Variants in PDLIM5 observed in about 807,000 individuals in gnomAD.
PDLIM5 encodes the protein PDZ and LIM domain 5.
PDLIM5 carries 34 observed loss-of-function variants against 64.2 expected under a neutral mutation model. The ratio of observed to expected loss-of-function variants is 0.53; its 90% CI spans 0.40 to 0.71. The LOEUF (loss-of-function observed/expected upper bound fraction) is 0.71. PDLIM5 is among the 30% of genes least tolerant of loss of function. PDLIM5 has a pLI of 0.00. For synonymous variants in PDLIM5, 253 were observed against 269.1 expected (o/e 0.94, Z 0.59); for missense variants, 683 against 733.6 (o/e 0.93, Z 0.80).
chr4:94,574,210 A>G (rs1255628772), intron 4 of PDLIM5, among the ~76,000 whole-genome samples: 1 of 152,172 alleles, frequency 6.6e-6, no homozygotes, highest in East Asian at 1.9e-4. Flanking sequence ...CTATAAGATG[A>G]ATTGAGGCTG....
chr4:94,532,595 C>T (rs368087968), intron 3 of PDLIM5, among the ~76,000 whole-genome samples: 21 of 152,274 alleles, frequency 1.4e-4, no homozygotes, highest in Admixed American at 5.2e-4. Context: ...GGGTGGCAGA[C>T]GCAGTTTGTC....
chr4:94,473,538 G>T (rs1404515067), intron 2 of PDLIM5, among the ~76,000 whole-genome samples: 1 of 152,198 alleles, frequency 6.6e-6, no homozygotes, highest in Non-Finnish European at 1.5e-5. Context: ...GGGATTACAG[G>T]CATGAGCCAC....
chr4:94,520,699 G>GTA (rs1202753465), intron 2 of PDLIM5, among the ~76,000 whole-genome samples: 1 of 152,144 alleles, frequency 6.6e-6, no homozygotes, highest in African/African-American at 2.4e-5. Context: ...TTCCCACTAT[G>GTA]TATAGCATTG....
At chr4:94,543,135 A>G (rs2110189308) in intron 3 of PDLIM5, among the ~76,000 whole-genome samples, 1 of 152,280 alleles carries the variant, frequency 6.6e-6, no homozygotes, top group South Asian at 2.1e-4. Flanking sequence ...ACTACTGTAT[A>G]AATTACCACA....
At chr4:94,498,185 G>GT (rs1727578199) in intron 2 of PDLIM5, among the ~76,000 whole-genome samples, 1 of 152,202 alleles carries the variant, frequency 6.6e-6, no homozygotes, top group African/African-American at 2.4e-5. Context: ...GGACACTACT[G>GT]TAACATTTAT....
At chr4:94,525,314 G>C (rs1290029292) in intron 3 of PDLIM5, among the ~76,000 whole-genome samples, 2 of 151,934 alleles carry the variant, frequency 1.3e-5, no homozygotes, top group Non-Finnish European at 2.9e-5. Flanking sequence ...AGCTACTTGG[G>C]GGCTGAGGCA....
intron 2 of PDLIM5, among the ~76,000 whole-genome samples, chr4:94,493,754 T>C (rs1727080091): frequency 6.6e-6 from 1 of 152,300 alleles, no homozygotes; most frequent in African/African-American, 2.4e-5. Context: ...TAAAATGCCC[T>C]CAAGAAAGAT....
intron 10 of PDLIM5, 106 bp downstream of exon 10, chr4:94,654,746 G>T: frequency 2.8e-6 from 2 of 712,686 alleles, no homozygotes; most frequent in Admixed American, 2.5e-5. Flanking sequence ...CTTGCTTTAT[G>T]CCCTCTCTGC....
chr4:94,596,425 C>A (rs1318425167), intron 7 of PDLIM5, among the ~76,000 whole-genome samples: 1 of 151,934 alleles, frequency 6.6e-6, no homozygotes, highest in Non-Finnish European at 1.5e-5. Context: ...TTCCATTTCA[C>A]CTTTAGAGAA....
At chr4:94,518,048 T>C (rs1729515467) in intron 2 of PDLIM5, among the ~76,000 whole-genome samples, 2 of 152,276 alleles carry the variant, frequency 1.3e-5, no homozygotes, top group South Asian at 2.1e-4. Flanking sequence ...TCCTGCAATT[T>C]AGAAGGATAA....
intron 3 of PDLIM5, among the ~76,000 whole-genome samples, chr4:94,542,697 A>G (rs539046951): frequency 1.3e-5 from 2 of 152,232 alleles, no homozygotes; most frequent in African/African-American, 4.8e-5. Flanking sequence ...TAAATGATCC[A>G]CCCTATTTTT....
chr4:94,654,633 T>A lies in PDLIM5; in HGVS notation c.1457T>A (p.Ile486Asn), dbSNP rs1742075526. 1 of 1,601,236 alleles carries A rather than the reference T, an allele frequency of 6.2e-7. No individual in the cohort carries two copies. The highest frequency in any genetic ancestry group is 8.6e-7 in the Non-Finnish European group (1 of 1,169,528). Residue 486 changes from isoleucine (I) to asparagine (N), a missense_variant, in exon 10 of 13, where the codon ATC becomes AAC. Ile to Asn is a moderately radical substitution (Grantham distance 149). Transcript: ENST00000317968. ...GAATGTGGTCGATGCCAAAGGAAGA[T>A]CCTTGGAGTAAGTATTGGAAACGTT... Reference protein sequence around the residue: ...APECGRCQRKILGEVISALKQ... With the variant: ...APECGRCQRKNLGEVISALKQ...
At chr4:94,475,533 A>G (rs1448035620) in intron 2 of PDLIM5, among the ~76,000 whole-genome samples, 1 of 152,190 alleles carries the variant, frequency 6.6e-6, no homozygotes, top group African/African-American at 2.4e-5. Context: ...TTTCAACTTA[A>G]AAGTTGTAGT....
rs1553940971 is a variant in PDLIM5, at chr4:94,494,432, G to GGTTTTTTTTTTTTTTTTT, written c.97-29292_97-29291insGTTTTTTTTTTTTTTTTT. On this transcript the variant is annotated intron_variant, in intron 2 of 12. Transcript: ENST00000317968. Reference sequence around the variant, plus strand: ...AGCATTCACTAATTTTTTTTTTCTTGTTTTTTTTTTTTTTTTTTTTTTTTG... The same window carrying GGTTTTTTTTTTTTTTTTT: ...AGCATTCACTAATTTTTTTTTTCTTGGTTTTTTTTTTTTTTTTTTTTTTTTTTTTTTTTTTTTTTTTTG... Among the ~76,000 whole-genome samples the GGTTTTTTTTTTTTTTTTT allele has an allele frequency of 7.9e-3, 556 of 70,770 alleles. 100 individuals carry two copies. The highest frequency in any genetic ancestry group is 0.012 in the East Asian group (25 of 2,038). 46.4% of individuals were successfully genotyped at this position (70,770 alleles called of 152,430 possible).
chr4:94,588,987 A>T (rs1348108327), intron 7 of PDLIM5, among the ~76,000 whole-genome samples: 2 of 152,226 alleles, frequency 1.3e-5, no homozygotes, highest in African/African-American at 4.8e-5. Flanking sequence ...AGATACTAAG[A>T]CAGAGGTCCT....
At chr4:94,525,801 A>G (rs1000444731) in intron 3 of PDLIM5, among the ~76,000 whole-genome samples, 2 of 152,194 alleles carry the variant, frequency 1.3e-5, no homozygotes, top group African/African-American at 2.4e-5. Context: ...GTTTATATGT[A>G]TTTTGAATTT....
chr4:94,587,449 T>A, intron 7 of PDLIM5: 2 of 956,736 alleles, frequency 2.1e-6, no homozygotes, highest in Non-Finnish European at 2.5e-6. Context: ...AAAGTCCTTG[T>A]CTAATTTGGA....
At chr4:94,638,268 G>A (rs1379098533) in intron 8 of PDLIM5, among the ~76,000 whole-genome samples, 3 of 152,186 alleles carry the variant, frequency 2.0e-5, no homozygotes, top group Admixed American at 6.5e-5. Context: ...AGAAAGTAGT[G>A]TACCAAGTGA....
At chr4:94,517,274 G>A (rs1249326084) in intron 2 of PDLIM5, among the ~76,000 whole-genome samples, 1 of 152,118 alleles carries the variant, frequency 6.6e-6, no homozygotes, top group African/African-American at 2.4e-5. Context: ...TTTGCAAGGG[G>A]GTGGTGACGC....
Sources: gnomAD v4.1 joint callset for allele counts (sites outside exome capture counted in the v4.1 genomes callset) on GRCh38, gnomAD v4.1.1 for gene constraint, MANE v1.5 for transcripts, NCBI Gene and HGNC (gene_info 2026-07-23, HGNC 2026-07-21) for gene names.